The following SLC5A4 variants were observed in gnomAD, a reference collection of about 807,000 sequenced individuals.
SLC5A4 encodes the protein probable glucose sensor protein SLC5A4.
A neutral mutation model predicts 70.3 loss-of-function variants in SLC5A4; 55 were observed. The observed-to-expected ratio is 0.78, with a 90% CI of 0.63 to 0.98. The LOEUF is 0.98. SLC5A4 is among the 50% of genes least tolerant of loss of function. The probability of loss-of-function intolerance (pLI) is 0.00; values close to 1 mark genes in which losing one functional copy is unlikely to be tolerated. For synonymous variants in SLC5A4, 268 were observed against 305.7 expected, an observed-to-expected ratio of 0.88 and a Z score of 1.29; for missense variants, 735 against 839.2, an observed-to-expected ratio of 0.88 and a Z score of 1.53.
intron 14 of SLC5A4, among the ~76,000 whole-genome samples, chr22:32,219,041 A>G (rs1924895117): frequency 6.6e-6 from 1 of 152,230 alleles, no homozygotes; most frequent in Non-Finnish European, 1.5e-5. Flanking sequence ...CAACAGCCCC[A>G]TGTCAGCATA....
chr22:32,245,418 C>G (rs1182405347), intron 5 of SLC5A4, among the ~76,000 whole-genome samples: 1 of 152,226 alleles, frequency 6.6e-6, no homozygotes. Context: ...ACCAGTGACC[C>G]TCCAGTCTGG....
the SLC5A4 span, chr22:32,284,784 T>C: frequency 6.6e-6 from 1 of 152,194 alleles, no homozygotes; most frequent in African/African-American, 2.4e-5. Context: ...ATTGTGGTAA[T>C]TGTCTTTGGA....
the SLC5A4 span, among the ~76,000 whole-genome samples, chr22:32,290,601 C>A: frequency 6.6e-6 from 1 of 152,054 alleles, no homozygotes; most frequent in Non-Finnish European, 1.5e-5. Context: ...GACAAAATAC[C>A]TCAGACTCGG....
At chr22:32,228,335 G>GT (rs79111471) in intron 11 of SLC5A4, among the ~76,000 whole-genome samples, 47,569 of 151,962 alleles carry the variant, frequency 0.31, 8,623 homozygotes, top group African/African-American at 0.5. Flanking sequence ...AAGGTCAGGA[G>GT]TTTGAGACCA....
chr22:32,335,243 G>A, the SLC5A4 span, among the ~76,000 whole-genome samples: 2 of 152,144 alleles, frequency 1.3e-5, no homozygotes, highest in Non-Finnish European at 2.9e-5. Context: ...CGCCTCCCAC[G>A]TCTCAGACAG....
the SLC5A4 span, among the ~76,000 whole-genome samples, chr22:32,332,185 G>C: frequency 6.6e-6 from 1 of 152,168 alleles, no homozygotes; most frequent in Non-Finnish European, 1.5e-5. Flanking sequence ...CCAAAGGCAA[G>C]TGCCTCCTGT....
At chr22:32,331,378 G>A in the SLC5A4 span, among the ~76,000 whole-genome samples, 13 of 152,060 alleles carry the variant, frequency 8.5e-5, no homozygotes, top group South Asian at 2.1e-4. Context: ...ATGGCGGCAC[G>A]GGGGAAATGG....
At chr22:32,270,949 C>T in the SLC5A4 span, 10 of 551,212 alleles carry the variant, frequency 1.8e-5, no homozygotes, top group Admixed American at 4.8e-5. Flanking sequence ...GCTGCCTGAG[C>T]GGGGCTCACG....
chr22:32,322,945 T>C, the SLC5A4 span, among the ~76,000 whole-genome samples: 7 of 152,292 alleles, frequency 4.6e-5, no homozygotes, highest in East Asian at 1.2e-3. Context: ...TCCTAGAACT[T>C]ATCTTTACCT....
At chr22:32,310,715 G>A in the SLC5A4 span, among the ~76,000 whole-genome samples, 1 of 152,256 alleles carries the variant, frequency 6.6e-6, no homozygotes, top group Non-Finnish European at 1.5e-5. Flanking sequence ...GTGACCCTGG[G>A]CAAGCCACTT....
At chr22:32,331,177 G>C in the SLC5A4 span, among the ~76,000 whole-genome samples, 1 of 128,500 alleles carries the variant, frequency 7.8e-6, no homozygotes, top group African/African-American at 3.0e-5. Context: ...GGGGGCTCTG[G>C]TGTATGTGTT....
At chr22:32,294,437 C>A in the SLC5A4 span, among the ~76,000 whole-genome samples, 1 of 152,142 alleles carries the variant, frequency 6.6e-6, no homozygotes, top group African/African-American at 2.4e-5. Flanking sequence ...GCTGCAACAT[C>A]TTGCAAAACT....
the SLC5A4 span, among the ~76,000 whole-genome samples, chr22:32,293,696 T>C: frequency 1.3e-5 from 2 of 152,170 alleles, no homozygotes; most frequent in Non-Finnish European, 2.9e-5. Context: ...AACCTTCCTG[T>C]TGCTCTTTAT....
the SLC5A4 span, chr22:32,270,169 C>T: frequency 8.2e-5 from 53 of 647,632 alleles, no homozygotes; most frequent in Admixed American, 2.8e-4. Context: ...GACGCCCAGT[C>T]GGGCACACAG....
At chr22:32,351,570 T>C in the SLC5A4 span, among the ~76,000 whole-genome samples, 3 of 150,712 alleles carry the variant, frequency 2.0e-5, no homozygotes, top group East Asian at 5.9e-4. Context: ...GGCACAGCAG[T>C]ATTCGCTTGT....
At chr22:32,263,641 C>T in the SLC5A4 span, among the ~76,000 whole-genome samples, 12 of 152,230 alleles carry the variant, frequency 7.9e-5, no homozygotes, top group Non-Finnish European at 1.8e-4. Context: ...GACAGTGTGG[C>T]GAATCCTCAA....
the SLC5A4 span, among the ~76,000 whole-genome samples, chr22:32,264,352 T>G: frequency 6.6e-6 from 1 of 151,964 alleles, no homozygotes; most frequent in Non-Finnish European, 1.5e-5. Context: ...GGCAGGAGGA[T>G]CACTTGAGCC....
intron 11 of SLC5A4, among the ~76,000 whole-genome samples, chr22:32,226,677 A>T (rs1925417030): frequency 6.6e-6 from 1 of 151,692 alleles, no homozygotes; most frequent in African/African-American, 2.4e-5. Flanking sequence ...TACTGTTGGT[A>T]TTTTTTTTTA....
At chr22:32,321,036 C>A in the SLC5A4 span, among the ~76,000 whole-genome samples, 1 of 152,210 alleles carries the variant, frequency 6.6e-6, no homozygotes, top group African/African-American at 2.4e-5. Context: ...GCCTATAATC[C>A]CAGCATTTTG....
Sources: gnomAD v4.1 joint callset for allele counts (sites outside exome capture counted in the v4.1 genomes callset) on GRCh38, gnomAD v4.1.1 for gene constraint, MANE v1.5 for transcripts, NCBI Gene and HGNC (gene_info 2026-07-23, HGNC 2026-07-21) for gene names.